SH3RF3: variants seen among roughly 807,000 people sequenced by gnomAD.
SH3RF3 encodes the protein SH3 domain containing ring finger 3.
Under a neutral mutation model 66.3 loss-of-function variants are expected in SH3RF3, and 29 were observed. That is an observed-to-expected ratio of 0.44 (90% CI 0.33 to 0.60). The LOEUF is 0.60. Among genes scored for constraint, SH3RF3 ranks in the 20% least tolerant of loss-of-function variants. The pLI, the probability that SH3RF3 is intolerant of heterozygous loss-of-function variation, is 0.04. For synonymous variants in SH3RF3, 583 were observed against 532.0 expected (o/e 1.10, Z -1.32); for missense variants, 1,194 against 1,190.9 (o/e 1.00, Z -0.04).
In SH3RF3 at chr2:109,501,501, A is replaced by G; in HGVS notation, c.2481-2A>G. The G allele has an allele frequency of 1.3e-6, 1 of 776,668 alleles. No homozygotes were observed. Among genetic ancestry groups the G allele is most frequent in the Non-Finnish European group, 2.4e-6 (1 of 416,316 alleles). The allele number at this position is 776,668 out of a possible 1,614,324, so 48.1% of individuals were successfully genotyped here. On this transcript the variant is annotated splice_acceptor_variant, in intron 9 of 9. Transcript: ENST00000309415. LOFTEE classifies it high-confidence loss of function. ...GGCTCACCCACTGTGCTGTTTCCCC[A>G]GGTACCGCGTGGTGGTCTCGTACCC...
chr2:109,416,775 G>A lies in SH3RF3; in HGVS notation c.1300-2764G>A, dbSNP rs191594457. ...CAAAATATTAGCCGGGGGTGGTATT[G>A]TGCAACTGTAATCCCGGCTACTCAG... On this transcript the variant is annotated intron_variant, in intron 4 of 9. Coordinates refer to ENST00000309415, the MANE Select transcript of SH3RF3 (RefSeq NM_001099289.3). Among the ~76,000 whole-genome samples, 776 of 152,082 alleles carry A rather than the reference G, an allele frequency of 5.1e-3. 3 individuals are homozygous for A. Among genetic ancestry groups the A allele is most frequent in the South Asian group, 9.0e-3 (43 of 4,802 alleles).
At chr2:109,146,588 C>T (rs938032851) in intron 1 of SH3RF3, among the ~76,000 whole-genome samples, 3 of 152,122 alleles carry the variant, frequency 2.0e-5, no homozygotes, top group Admixed American at 6.5e-5. Context: ...CCCAGCACCA[C>T]CTTCAGGCCC....
intron 8 of SH3RF3, among the ~76,000 whole-genome samples, chr2:109,473,846 T>TCCCTGAACCGCTCTCCTTGTGC (rs1024388117): frequency 4.6e-5 from 7 of 151,992 alleles, no homozygotes; most frequent in African/African-American, 1.4e-4. Context: ...TTTTGGGGTG[T>TCCCTGAACCGCTCTCCTTGTGC]CCCTGAACCG....
chr2:109,501,818 C>T lies in SH3RF3; in HGVS notation c.*147C>T. Reference sequence around the variant, plus strand: ...GGATACCCTGGCCCAGGGTGGGGGCCAGGGACTGTGGAGGTCGTGCCTTCT... The same window carrying T: ...GGATACCCTGGCCCAGGGTGGGGGCTAGGGACTGTGGAGGTCGTGCCTTCT... On this transcript the variant is annotated 3_prime_UTR_variant, in exon 10 of 10. Coordinates refer to ENST00000309415, the MANE Select transcript of SH3RF3 (RefSeq NM_001099289.3). 1 of 605,590 alleles carries T rather than the reference C, an allele frequency of 1.7e-6. No homozygotes were observed. The highest frequency in any genetic ancestry group is 2.9e-6 in the Non-Finnish European group (1 of 339,860). The allele number at this position is 605,590 out of a possible 1,614,324, so 37.5% of individuals were successfully genotyped here.
chr2:109,463,735 G>A (rs919622658), intron 8 of SH3RF3, among the ~76,000 whole-genome samples: 9 of 152,280 alleles, frequency 5.9e-5, no homozygotes, highest in African/African-American at 1.7e-4. Flanking sequence ...GGAGAGACCT[G>A]GCTGCAAATG....
chr2:109,430,989 G>T (rs1329967405), intron 5 of SH3RF3, among the ~76,000 whole-genome samples: 1 of 152,214 alleles, frequency 6.6e-6, no homozygotes, highest in Non-Finnish European at 1.5e-5. Context: ...GGATTAGGAT[G>T]TTCGAAAAGG....
In SH3RF3 at chr2:109,502,108, G is replaced by A. The variant is rs966855416; in HGVS notation, c.*437G>A. On this transcript the variant is annotated 3_prime_UTR_variant, in exon 10 of 10. Transcript: ENST00000309415. ...CTTTCTGGGCTGCCCTGGGCTTCCC[G>A]CGGGGCCCAGGTTGCTCTGTCACCA... 3 of 169,534 alleles carry A rather than the reference G, an allele frequency of 1.8e-5. No homozygotes were observed. Among genetic ancestry groups the A allele is most frequent in the Admixed American group, 1.1e-4 (2 of 17,936 alleles). 10.5% of individuals were successfully genotyped at this position (169,534 alleles called of 1,614,324 possible). A position where few individuals can be genotyped will look rare whatever the true frequency, so the allele number is the denominator to read the frequency against.
Position 109,419,580 on chromosome 2 carries a change from A to C in SH3RF3, c.1341A>C (p.Pro447=). Residue 447 remains proline (P), a synonymous_variant, in exon 5 of 10, where the codon CCA becomes CCC. Transcript: ENST00000309415. The part of the protein sequence containing the change: ...SSAGSTPTAV[P]RAASVSGEQG... ...CGGGATCTACCCCCACGGCTGTCCC[A>C]CGGGCTGCCTCGGTGTCTGGAGAGC... 5 of 1,598,766 alleles carry C rather than the reference A, an allele frequency of 3.1e-6. No homozygotes were observed. Among genetic ancestry groups the C allele is most frequent in the Non-Finnish European group, 4.3e-6 (5 of 1,173,766 alleles).
chr2:109,385,516 C>T (rs934446735), intron 3 of SH3RF3, among the ~76,000 whole-genome samples: 6 of 152,220 alleles, frequency 3.9e-5, no homozygotes, highest in South Asian at 4.1e-4. Flanking sequence ...AGGTTTCATT[C>T]GATGTGAAGG....
chr2:109,406,037 G>T (rs1407960802), intron 4 of SH3RF3, among the ~76,000 whole-genome samples: 1 of 152,242 alleles, frequency 6.6e-6, no homozygotes, highest in African/African-American at 2.4e-5. Flanking sequence ...GGACACAGCT[G>T]CGGGGCTCTG....
chr2:109,412,183 A>G (rs10171529), intron 4 of SH3RF3, among the ~76,000 whole-genome samples: 5,593 of 152,364 alleles, frequency 0.037, 213 homozygotes, highest in African/African-American at 0.095. Flanking sequence ...TGCTCCGCAC[A>G]GTGTGCACTC....
intron 1 of SH3RF3, among the ~76,000 whole-genome samples, chr2:109,305,815 G>T (rs916334648): frequency 1.3e-5 from 2 of 152,230 alleles, no homozygotes; most frequent in Admixed American, 6.5e-5. Flanking sequence ...GGCTGGGGCT[G>T]CTCGGCATCT....
intron 4 of SH3RF3, among the ~76,000 whole-genome samples, chr2:109,401,723 GT>G (rs1676320597): frequency 1.3e-5 from 2 of 152,164 alleles, no homozygotes; most frequent in Admixed American, 1.3e-4. Context: ...ACAGGATCCG[GT>G]TTCCTCTCCT....
intron 8 of SH3RF3, among the ~76,000 whole-genome samples, chr2:109,489,423 C>G (rs929287993): frequency 1.3e-5 from 2 of 152,218 alleles, no homozygotes; most frequent in African/African-American, 4.8e-5. Flanking sequence ...CAACCAGACC[C>G]CAGCGTGGCT....
chr2:109,233,207 G>A (rs1018752683), intron 1 of SH3RF3, among the ~76,000 whole-genome samples: 2 of 152,112 alleles, frequency 1.3e-5, no homozygotes, highest in African/African-American at 2.4e-5. Context: ...TTGTCCTCTT[G>A]GTACCCAGGT....
intron 9 of SH3RF3, among the ~76,000 whole-genome samples, chr2:109,492,412 G>A (rs1475826895): frequency 6.6e-6 from 1 of 152,138 alleles, no homozygotes; most frequent in African/African-American, 2.4e-5. Flanking sequence ...TAACCAGTGA[G>A]AACGGAAGTC....
intron 4 of SH3RF3, among the ~76,000 whole-genome samples, chr2:109,417,873 G>C (rs1330440998): frequency 6.6e-6 from 1 of 152,200 alleles, no homozygotes; most frequent in African/African-American, 2.4e-5. Flanking sequence ...GAGGTTATCA[G>C]CTAAGCAAGG....
chr2:109,174,217 G>A (rs991857160), intron 1 of SH3RF3, among the ~76,000 whole-genome samples: 2 of 152,220 alleles, frequency 1.3e-5, no homozygotes, highest in Non-Finnish European at 2.9e-5. Context: ...TTACTGTTTC[G>A]AAGAGTAAGG....
chr2:109,130,513 T>C (rs1676665854), intron 1 of SH3RF3, among the ~76,000 whole-genome samples: 4 of 152,302 alleles, frequency 2.6e-5, no homozygotes, highest in Admixed American at 1.3e-4. Context: ...CCTTAACGTT[T>C]CTGACAGGGC....
Sources: gnomAD v4.1 joint callset for allele counts (sites outside exome capture counted in the v4.1 genomes callset) on GRCh38, gnomAD v4.1.1 for gene constraint, MANE v1.5 for transcripts, NCBI Gene and HGNC (gene_info 2026-07-23, HGNC 2026-07-21) for gene names.